The following KCTD20 variants were observed in gnomAD, a reference collection of about 807,000 sequenced individuals.
KCTD20 encodes the protein BTB/POZ domain-containing protein KCTD20.
Under a neutral mutation model 39.6 loss-of-function variants are expected in KCTD20, and 30 were observed. The ratio of observed to expected loss-of-function variants is 0.76; its 90% confidence interval spans 0.57 to 1.03. The LOEUF is 1.03. Among genes scored for constraint, KCTD20 ranks in the 50% least tolerant of loss-of-function variants. The pLI is 0.00. For synonymous variants in KCTD20, 162 were observed against 180.6 expected, an observed-to-expected ratio of 0.90 and a Z score of 0.83; for missense variants, 422 against 522.0, an observed-to-expected ratio of 0.81 and a Z score of 1.87.
Position 36,487,281 on chromosome 6 carries a change from C to T in KCTD20, c.*106C>T. On this transcript the variant is annotated 3_prime_UTR_variant, in exon 8 of 8. Transcript: ENST00000373731. ...ACCTTGAGTAGGAGACATGCTTCTC[C>T]CCTAACCTTTTCCTTTCTGCCATAA... 1 of 1,133,742 alleles carries T rather than the reference C, an allele frequency of 8.8e-7. No individual in the cohort carries two copies. The highest frequency in any genetic ancestry group is 1.3e-6 in the Non-Finnish European group (1 of 787,162). 70.2% of individuals were successfully genotyped at this position (1,133,742 alleles called of 1,614,324 possible).
At chr6:36,470,377 C>A in intron 2 of KCTD20, 120 bp downstream of exon 2, 1 of 938,544 alleles carries the variant, frequency 1.1e-6, no homozygotes, top group Non-Finnish European at 1.6e-6. Flanking sequence ...GCTTAGCTTG[C>A]ATGTCACAAT....
intron 1 of KCTD20, among the ~76,000 whole-genome samples, chr6:36,458,264 G>A (rs1051583396): frequency 6.6e-6 from 1 of 151,854 alleles, no homozygotes; most frequent in East Asian, 2.0e-4. Context: ...TAGGCCGGGT[G>A]CGGTGGCTCA....
chr6:36,483,257 C>CTT (rs1271097017), intron 6 of KCTD20, among the ~76,000 whole-genome samples: 6 of 123,730 alleles, frequency 4.8e-5, no homozygotes, highest in African/African-American at 6.8e-5. Context: ...AAAACAGTGG[C>CTT]TTTTTCTTTT....
In KCTD20 at chr6:36,474,655, G is replaced by GT. The variant is rs986794721; in HGVS notation, c.161-125dup. 641 of 714,818 alleles carry GT rather than the reference G, an allele frequency of 9.0e-4. 1 individual carries two copies. Among genetic ancestry groups the GT allele is most frequent in the South Asian group, 1.9e-3 (75 of 40,062 alleles). 44.3% of individuals were successfully genotyped at this position (714,818 alleles called of 1,614,324 possible). ...GCTTTTTACTTGCTGTAGGCAAGAG[G>GT]TTTTTTTTTGCCTGTGAACATCTAA... On this transcript the variant is annotated intron_variant, in intron 2 of 7. Coordinates refer to ENST00000373731, the MANE Select transcript of KCTD20 (RefSeq NM_173562.5).
At chr6:36,475,364 G>A (rs1223512136) in intron 3 of KCTD20, among the ~76,000 whole-genome samples, 2 of 151,540 alleles carry the variant, frequency 1.3e-5, no homozygotes, top group African/African-American at 2.4e-5. Flanking sequence ...CAGGAGAATC[G>A]CCTGAACCTG....
chr6:36,447,789 G>A (rs540997083), intron 1 of KCTD20, among the ~76,000 whole-genome samples: 4 of 151,706 alleles, frequency 2.6e-5, no homozygotes, highest in East Asian at 1.9e-4. Context: ...CCAGGAGTTC[G>A]AGATCAGGCT....
In KCTD20 at chr6:36,488,648, GC is replaced by G. The variant is rs1014248056; in HGVS notation, c.*1474del. ...TGAAAGGCTTCTGAACGTCATGTCA[GC>G]ACTCAAAAAAGTGGATTTTGGAGCA... On this transcript the variant is annotated 3_prime_UTR_variant, in exon 8 of 8. Coordinates refer to ENST00000373731, the MANE Select transcript of KCTD20 (RefSeq NM_173562.5). The G allele has an allele frequency of 1.3e-5, 2 of 152,142 alleles. No individual in the cohort carries two copies. Among genetic ancestry groups the G allele is most frequent in the Non-Finnish European group, 2.9e-5 (2 of 68,022 alleles). 9.4% of individuals were successfully genotyped at this position (152,142 alleles called of 1,614,324 possible). A position where few individuals can be genotyped will look rare whatever the true frequency, so the allele number is the denominator to read the frequency against.
chr6:36,447,226 A>G lies in KCTD20; in HGVS notation c.-47+4115A>G, dbSNP rs116717387. Among the ~76,000 whole-genome samples, 1,395 of 152,306 alleles carry G rather than the reference A, an allele frequency of 9.2e-3. 7 individuals are homozygous for G. The highest frequency in any genetic ancestry group is 0.016 in the Non-Finnish European group (1,064 of 68,016). On this transcript the variant is annotated intron_variant, in intron 1 of 7. Coordinates refer to ENST00000373731, the MANE Select transcript of KCTD20 (RefSeq NM_173562.5). ...TGTCTCTGAAATAGACAATAATAGT[A>G]CCTACCTATCCCAGGATTTTTAGGA...
chr6:36,471,083 G>A (rs370034703), intron 2 of KCTD20, among the ~76,000 whole-genome samples: 3 of 151,368 alleles, frequency 2.0e-5, no homozygotes, highest in African/African-American at 4.9e-5. Context: ...CCTGGTAGGC[G>A]GAGGTTGCAG....
At chr6:36,463,023 TTA>T (rs1176054963) in intron 1 of KCTD20, among the ~76,000 whole-genome samples, 17 of 152,226 alleles carry the variant, frequency 1.1e-4, no homozygotes, top group Non-Finnish European at 1.9e-4. Context: ...AAGCTGTGCT[TTA>T]TACAGCTCCT....
intron 1 of KCTD20, among the ~76,000 whole-genome samples, chr6:36,455,607 G>C (rs1448305723): frequency 6.6e-6 from 1 of 152,062 alleles, no homozygotes; most frequent in Non-Finnish European, 1.5e-5. Context: ...GTGTGTGTGT[G>C]TGTGTGTGTG....
intron 1 of KCTD20, among the ~76,000 whole-genome samples, chr6:36,466,155 T>C (rs1334884373): frequency 6.6e-5 from 10 of 151,390 alleles, no homozygotes; most frequent in African/African-American, 2.4e-4. Flanking sequence ...CTCCGCCTCC[T>C]GGGTTCAAGC....
At chr6:36,468,848 C>T (rs1189037193) in intron 1 of KCTD20, among the ~76,000 whole-genome samples, 2 of 152,044 alleles carry the variant, frequency 1.3e-5, no homozygotes, top group East Asian at 1.9e-4. Context: ...ATCTCTTTAG[C>T]ATGATTTATT....
At chr6:36,464,324 TATGA>T (rs1775680577) in intron 1 of KCTD20, among the ~76,000 whole-genome samples, 1 of 152,168 alleles carries the variant, frequency 6.6e-6, no homozygotes, top group African/African-American at 2.4e-5. Flanking sequence ...AAACTCTATT[TATGA>T]ATGAATGAGA....
At chr6:36,475,101 T>C in intron 3 of KCTD20, 39 bp downstream of exon 3, 1 of 1,578,942 alleles carries the variant, frequency 6.3e-7, no homozygotes, top group Non-Finnish European at 8.6e-7. Context: ...CATTCTGTTC[T>C]CTATAAATAA....
intron 7 of KCTD20, among the ~76,000 whole-genome samples, chr6:36,485,736 G>GC: frequency 6.6e-6 from 1 of 151,856 alleles, no homozygotes; most frequent in Admixed American, 6.6e-5. Context: ...CTCGTGATCC[G>GC]CCGCCTCGGC....
chr6:36,458,213 C>A (rs1254282460), intron 1 of KCTD20, among the ~76,000 whole-genome samples: 1 of 151,990 alleles, frequency 6.6e-6, no homozygotes, highest in Non-Finnish European at 1.5e-5. Context: ...CCACCATGGC[C>A]AGCTAATTTT....
chr6:36,473,792 AAAAGG>A (rs1378767968), intron 2 of KCTD20, among the ~76,000 whole-genome samples: 1 of 152,144 alleles, frequency 6.6e-6, no homozygotes, highest in Non-Finnish European at 1.5e-5. Flanking sequence ...AAAAAATAAA[AAAAGG>A]AAAGGAAAGA....
Position 36,480,040 on chromosome 6 carries a change from G to A in KCTD20, c.658+329G>A, listed in dbSNP as rs1033499013. ...ACTCCTGACCTCAGGTGATCCGCCCGCCCTCAGCCTCCCAATGTGCTGGGA... is the reference window on the plus strand; with the variant it reads ...ACTCCTGACCTCAGGTGATCCGCCCACCCTCAGCCTCCCAATGTGCTGGGA... On this transcript the variant is annotated intron_variant, in intron 5 of 7. Transcript: ENST00000373731. 1.4e-4 allele frequency among the ~76,000 whole-genome samples: 21 copies of A among 151,894 alleles called. 1 individual carries two copies. Among genetic ancestry groups the A allele is most frequent in the Admixed American group, 4.6e-4 (7 of 15,258 alleles).
Sources: gnomAD v4.1 joint callset for allele counts (sites outside exome capture counted in the v4.1 genomes callset) on GRCh38, gnomAD v4.1.1 for gene constraint, MANE v1.5 for transcripts, NCBI Gene and HGNC (gene_info 2026-07-23, HGNC 2026-07-21) for gene names.